DNAJC16: variants seen among roughly 807,000 people sequenced by gnomAD.
DNAJC16 encodes DnaJ heat shock protein family (Hsp40) member C16.
Under a neutral mutation model 92.7 loss-of-function variants are expected in DNAJC16, and 76 were observed. That is an observed-to-expected ratio of 0.82 (90% confidence interval 0.68 to 0.99). DNAJC16 has a LOEUF of 0.99. Ranked by LOEUF, DNAJC16 falls within the 50% of genes least tolerant of loss-of-function variation. The probability of loss-of-function intolerance (pLI) is 0.00; values close to 1 mark genes in which losing one functional copy is unlikely to be tolerated. For synonymous variants in DNAJC16, 328 were observed against 358.7 expected, an observed-to-expected ratio of 0.91 and a Z score of 0.97; for missense variants, 869 against 942.4, an observed-to-expected ratio of 0.92 and a Z score of 1.02.
At chr1:15,560,558 T>A (rs1223576514) in intron 8 of DNAJC16, among the ~76,000 whole-genome samples, 1 of 152,190 alleles carries the variant, frequency 6.6e-6, no homozygotes, top group Non-Finnish European at 1.5e-5. Flanking sequence ...TAGGGCTGTT[T>A]CATCTGTAAA....
intron 7 of DNAJC16, among the ~76,000 whole-genome samples, chr1:15,555,759 G>C (rs1211455986): frequency 6.7e-6 from 1 of 150,288 alleles, no homozygotes; most frequent in African/African-American, 2.5e-5. Flanking sequence ...AGGCCAAGTC[G>C]GGTGGATCAG....
chr1:15,538,702 C>T (rs907551211), intron 4 of DNAJC16, among the ~76,000 whole-genome samples: 3 of 151,882 alleles, frequency 2.0e-5, no homozygotes, highest in African/African-American at 7.3e-5. Flanking sequence ...GGGCAGTGAG[C>T]GAAACTCTGT....
intron 4 of DNAJC16, among the ~76,000 whole-genome samples, chr1:15,539,101 G>A (rs1339494797): frequency 6.6e-6 from 1 of 152,172 alleles, no homozygotes; most frequent in Non-Finnish European, 1.5e-5. Context: ...TATGACAGAT[G>A]TTTACTAATG....
At chr1:15,538,350 G>T (rs549270843) in intron 4 of DNAJC16, among the ~76,000 whole-genome samples, 1 of 150,132 alleles carries the variant, frequency 6.7e-6, no homozygotes, top group Non-Finnish European at 1.5e-5. Flanking sequence ...AGCCAAGATC[G>T]TGCCACTGCA....
At position 15,536,072 on chromosome 1, in the gene DNAJC16, C is replaced by CTTT. The variant is rs758451008; in HGVS notation, c.235-387_235-385dup. ...CATTTCTTTTCTTTTCTTTTCTTTT[C>CTTT]TTTTTTTTTTTTTTTTTTGAGACGG... On this transcript the variant is annotated intron_variant, in intron 3 of 14. Transcript: ENST00000375847. 3.0e-3 allele frequency among the ~76,000 whole-genome samples: 257 copies of CTTT among 84,554 alleles called. 16 individuals carry two copies. Among genetic ancestry groups the CTTT allele is most frequent in the African/African-American group, 0.012 (231 of 19,706 alleles). The allele number at this position is 84,554 out of a possible 152,430, so 55.5% of individuals were successfully genotyped here.
rs1383333487 is a variant in DNAJC16 at position 15,529,272 on chromosome 1, G to A, written c.167G>A (p.Trp56Ter). 2 of 1,604,848 alleles carry A rather than the reference G, an allele frequency of 1.2e-6. No individual in the cohort carries two copies. Among genetic ancestry groups the A allele is most frequent in the Non-Finnish European group, 1.7e-6 (2 of 1,173,366 alleles). ...KKAYKKLARE[W>*]HPDKNKDPGA... ...GCTTATAAGAAGCTCGCCCGGGAAT[G>A]GTAGGTGAAACAAAGAAATAGAGGT... The change falls in exon 2 of 15, where the codon TGG becomes TAG. Residue 56 changes from tryptophan (W) to a stop codon, truncating the protein, a stop_gained and splice_region_variant. Transcript: ENST00000375847. LOFTEE classifies it high-confidence loss of function.
Position 15,570,896 on chromosome 1 carries a change from A to G in DNAJC16, c.*2719A>G, listed in dbSNP as rs536804058. ...GGTTCTAACACAGTGGTCTTTGACTATCAACATTGATGTTTTTAGAGATGG... is the reference window on the plus strand; with the variant it reads ...GGTTCTAACACAGTGGTCTTTGACTGTCAACATTGATGTTTTTAGAGATGG... On this transcript the variant is annotated 3_prime_UTR_variant, in exon 15 of 15. Coordinates refer to ENST00000375847, the MANE Select transcript of DNAJC16 (RefSeq NM_015291.4). 6 of 152,200 alleles carry G rather than the reference A, an allele frequency of 3.9e-5. No individual in the cohort carries two copies. Among genetic ancestry groups the G allele is most frequent in the Non-Finnish European group, 7.3e-5 (5 of 68,044 alleles). 9.4% of individuals were successfully genotyped at this position (152,200 alleles called of 1,614,324 possible). A position where few individuals can be genotyped will look rare whatever the true frequency, so the allele number is the denominator to read the frequency against.
intron 8 of DNAJC16, among the ~76,000 whole-genome samples, chr1:15,561,278 T>A (rs1217825199): frequency 7.9e-5 from 12 of 152,294 alleles, no homozygotes; most frequent in Non-Finnish European, 7.4e-5. Flanking sequence ...AGCTAAACTT[T>A]CCATTGGAAC....
chr1:15,566,794 G>A (rs746950203), intron 13 of DNAJC16, among the ~76,000 whole-genome samples: 14 of 152,184 alleles, frequency 9.2e-5, no homozygotes, highest in Non-Finnish European at 2.1e-4. Flanking sequence ...TGAGGTAGGA[G>A]GATCACTTGA....
At chr1:15,565,812 C>A in intron 11 of DNAJC16, 107 bp from the exon 12 acceptor site, 1 of 1,054,918 alleles carries the variant, frequency 9.5e-7, no homozygotes, top group Admixed American at 2.1e-5. Flanking sequence ...AATTAGTAAG[C>A]GTTTATTGGT....
At chr1:15,559,854 C>T (rs953107339) in intron 8 of DNAJC16, among the ~76,000 whole-genome samples, 198 bp downstream of exon 8, 1 of 150,918 alleles carries the variant, frequency 6.6e-6, no homozygotes, top group Non-Finnish European at 1.5e-5. Context: ...ATCTGAGGTC[C>T]GGAGTTCAAG....
rs369027459 is a variant in DNAJC16 at position 15,562,325 on chromosome 1, G to A, written c.1338G>A (p.Ala446=). The change falls in exon 9 of 15, where the codon GCG becomes GCA. Residue 446 remains alanine (A), a splice_region_variant and synonymous_variant. Coordinates refer to ENST00000375847, the MANE Select transcript of DNAJC16 (RefSeq NM_015291.4). ...GTGAGGCGTTTCAAGGGAAATCAGC[G>A]GTAAGCCACAGAGTCTCTCCTCATC... The part of the protein sequence containing the change: ...PDSEAFQGKS[A]VSILERRNTA... 8.1e-6 allele frequency: 13 copies of A among 1,611,796 alleles called. No homozygotes were observed. The highest frequency in any genetic ancestry group is 1.7e-4 in the Middle Eastern group (1 of 6,050).
intron 5 of DNAJC16, among the ~76,000 whole-genome samples, chr1:15,544,893 T>G (rs1243787293): frequency 1.4e-5 from 2 of 143,798 alleles, no homozygotes; most frequent in Non-Finnish European, 3.1e-5. Context: ...ACAAAAAAAT[T>G]AAATCACATG....
rs1423586622 is a variant in DNAJC16 at position 15,569,018 on chromosome 1, ATAT to A, written c.*844_*846del. The A allele has an allele frequency of 3.9e-6, 1 of 253,512 alleles. No homozygotes were observed. Among genetic ancestry groups the A allele is most frequent in the Non-Finnish European group, 7.5e-6 (1 of 134,094 alleles). 15.7% of individuals were successfully genotyped at this position (253,512 alleles called of 1,614,324 possible). A position where few individuals can be genotyped will look rare whatever the true frequency, so the allele number is the denominator to read the frequency against. Reference sequence around the variant, plus strand: ...TGCCTCTGTCGATTTTAGGGTATGGATATTAGGAGCCATAACTTGTAATCTTGT... The same window carrying A: ...TGCCTCTGTCGATTTTAGGGTATGGATAGGAGCCATAACTTGTAATCTTGT... On this transcript the variant is annotated 3_prime_UTR_variant, in exon 15 of 15. Coordinates refer to ENST00000375847, the MANE Select transcript of DNAJC16 (RefSeq NM_015291.4).
At chr1:15,555,423 G>A (rs994657641) in intron 7 of DNAJC16, among the ~76,000 whole-genome samples, 14 of 150,592 alleles carry the variant, frequency 9.3e-5, no homozygotes, top group Non-Finnish European at 1.8e-4. Flanking sequence ...GGTGGCTCAC[G>A]CCTGTAATCC....
intron 2 of DNAJC16, 39 bp downstream of exon 2, chr1:15,529,311 A>C (rs1320493803): frequency 6.3e-7 from 1 of 1,585,946 alleles, no homozygotes; most frequent in East Asian, 2.3e-5. Context: ...ACATAAGCTA[A>C]ACAGTCTTAG....
chr1:15,538,821 C>T (rs893917675), intron 4 of DNAJC16, among the ~76,000 whole-genome samples: 8 of 152,170 alleles, frequency 5.3e-5, no homozygotes, highest in Admixed American at 2.0e-4. Flanking sequence ...GCAAAAATAA[C>T]GCATTTTTCT....
At chr1:15,534,581 C>A (rs1450689440) in intron 3 of DNAJC16, among the ~76,000 whole-genome samples, 1 of 151,986 alleles carries the variant, frequency 6.6e-6, no homozygotes, top group Non-Finnish European at 1.5e-5. Flanking sequence ...AAAAATTCGC[C>A]GGGCGTGGTG....
At chr1:15,539,597 T>C (rs1199314609) in intron 4 of DNAJC16, among the ~76,000 whole-genome samples, 1 of 151,190 alleles carries the variant, frequency 6.6e-6, no homozygotes, top group Non-Finnish European at 1.5e-5. Context: ...CAGGCCAGGG[T>C]GTAATAGCAT....
Sources: allele counts gnomAD v4.1 joint callset (sites outside exome capture counted in the v4.1 genomes callset), GRCh38; gene constraint gnomAD v4.1.1; transcripts MANE v1.5; gene names NCBI Gene and HGNC (gene_info 2026-07-23, HGNC 2026-07-21).